The following ERI1 variants were observed in gnomAD, a reference collection of about 807,000 sequenced individuals.
The protein encoded by ERI1 is exoribonuclease 1.
ERI1 carries 39 observed loss-of-function variants against 39.7 expected under a neutral mutation model. The ratio of observed to expected loss-of-function variants is 0.98; its 90% confidence interval spans 0.76 to 1.28. The LOEUF (loss-of-function observed/expected upper bound fraction) is 1.28. Ranked by LOEUF, ERI1 falls within the 50% of genes most tolerant of loss-of-function variation. ERI1 has a pLI of 0.00. For synonymous variants in ERI1, 204 were observed against 149.6 expected (o/e 1.36, Z -2.65); for missense variants, 581 against 416.9 (o/e 1.39, Z -3.43).
chr8:9,071,127 C>T (rs1285772891), intron 3 of ERI1, among the ~76,000 whole-genome samples: 11 of 152,170 alleles, frequency 7.2e-5, no homozygotes, highest in Non-Finnish European at 1.3e-4. Flanking sequence ...ATTGAACTCG[C>T]AAGGGAAAGT....
chr8:9,003,234 C>A, intron 1 of ERI1, 63 bp downstream of exon 1: 1 of 1,028,104 alleles, frequency 9.7e-7, no homozygotes. Flanking sequence ...GCGCCCTCGG[C>A]ACCCCTTTCT....
chr8:9,040,345 G>A (rs1039012915), intron 3 of ERI1, among the ~76,000 whole-genome samples: 1 of 152,154 alleles, frequency 6.6e-6, no homozygotes, highest in African/African-American at 2.4e-5. Context: ...AAGTCACAAA[G>A]CCCTAAGGCC....
intron 2 of ERI1, chr8:9,009,185 C>A: frequency 2.4e-6 from 1 of 410,446 alleles, no homozygotes. Flanking sequence ...ATTCTAAGTA[C>A]TGCACTAGGC....
intron 3 of ERI1, among the ~76,000 whole-genome samples, chr8:9,059,232 T>A (rs552904834): frequency 3.3e-5 from 5 of 152,260 alleles, no homozygotes; most frequent in African/African-American, 1.2e-4. Context: ...TGTCATCAGT[T>A]AAGGCAGGAA....
At chr8:9,017,127 C>T (rs1038727685) in intron 4 of ERI1, among the ~76,000 whole-genome samples, 1 of 152,122 alleles carries the variant, frequency 6.6e-6, no homozygotes, top group Non-Finnish European at 1.5e-5. Flanking sequence ...GCAACCTCTG[C>T]CTCCCAGGTT....
At chr8:9,029,403 G>A (rs185802241) in intron 6 of ERI1, among the ~76,000 whole-genome samples, 116 of 152,098 alleles carry the variant, frequency 7.6e-4, no homozygotes, top group African/African-American at 2.6e-3. Context: ...ATCTCAGCTC[G>A]CTGCAGCCTC....
At chr8:9,016,716 C>T (rs1027557160) in intron 4 of ERI1, among the ~76,000 whole-genome samples, 3 of 152,322 alleles carry the variant, frequency 2.0e-5, no homozygotes, top group Admixed American at 2.0e-4. Flanking sequence ...GAGACAGTCT[C>T]ACTCTGTCAC....
intron 5 of ERI1, among the ~76,000 whole-genome samples, chr8:9,019,234 A>C (rs1225384997): frequency 6.6e-6 from 1 of 152,218 alleles, no homozygotes; most frequent in Non-Finnish European, 1.5e-5. Context: ...ATTAAGGTTG[A>C]AAAGAACGTC....
chr8:9,061,687 A>C (rs533243467), intron 3 of ERI1, among the ~76,000 whole-genome samples: 2 of 152,292 alleles, frequency 1.3e-5, no homozygotes, highest in East Asian at 3.9e-4. Flanking sequence ...GGTTTGGGAG[A>C]TTAGCCAGAC....
intron 2 of ERI1, chr8:9,009,150 CG>C (rs1741991810): frequency 2.2e-6 from 1 of 451,320 alleles, no homozygotes; most frequent in Non-Finnish European, 4.4e-6. Flanking sequence ...TATGTTTATA[CG>C]TTTATTCAAC....
chr8:9,085,473 G>A (rs1407509853), intron 3 of ERI1, among the ~76,000 whole-genome samples: 1 of 152,026 alleles, frequency 6.6e-6, no homozygotes, highest in Non-Finnish European at 1.5e-5. Flanking sequence ...CTCCCAAAGT[G>A]CTGGGATTAC....
chr8:9,043,502 G>A (rs774066433), intron 3 of ERI1, among the ~76,000 whole-genome samples: 3 of 152,222 alleles, frequency 2.0e-5, no homozygotes, highest in African/African-American at 4.8e-5. Context: ...TATGGAAGAT[G>A]GAGACAATTG....
chr8:9,057,435 C>G (rs1798544964), intron 3 of ERI1, among the ~76,000 whole-genome samples: 6 of 152,218 alleles, frequency 3.9e-5, no homozygotes. Flanking sequence ...CAATCGCCAC[C>G]TAGATGACCC....
intron 3 of ERI1, among the ~76,000 whole-genome samples, chr8:9,083,054 G>C (rs1799417524): frequency 6.6e-6 from 1 of 152,108 alleles, no homozygotes; most frequent in African/African-American, 2.4e-5. Flanking sequence ...AAATGTATTT[G>C]CTATTTATCT....
At chr8:9,082,604 A>G (rs1041542334) in intron 3 of ERI1, among the ~76,000 whole-genome samples, 6 of 152,268 alleles carry the variant, frequency 3.9e-5, no homozygotes, top group African/African-American at 1.4e-4. Context: ...TTGAAAGGAT[A>G]TTGAAAGAAA....
chr8:9,018,089 G>A (rs1051996764), intron 4 of ERI1, among the ~76,000 whole-genome samples: 1 of 152,206 alleles, frequency 6.6e-6, no homozygotes, highest in Non-Finnish European at 1.5e-5. Context: ...ATACTTTTCA[G>A]TTGAAAGTAG....
At chr8:9,007,858 T>G (rs1444417760) in intron 1 of ERI1, 112 bp from the exon 2 acceptor site, 1 of 1,432,010 alleles carries the variant, frequency 7.0e-7, no homozygotes, top group Non-Finnish European at 9.2e-7. Context: ...ATTGAACATG[T>G]AGCATGAAGA....
chr8:9,043,009 A>G (rs137862172), intron 3 of ERI1, among the ~76,000 whole-genome samples: 102 of 152,334 alleles, frequency 6.7e-4, no homozygotes, highest in African/African-American at 2.3e-3. Flanking sequence ...ACTTCCTGGC[A>G]GTAGACACTT....
intron 3 of ERI1, among the ~76,000 whole-genome samples, chr8:9,058,537 T>C (rs1201685054): frequency 6.6e-6 from 1 of 152,218 alleles, no homozygotes; most frequent in East Asian, 1.9e-4. Context: ...TTTGATGATC[T>C]TCATGTATTC....
Sources: gnomAD v4.1 joint callset for allele counts (sites outside exome capture counted in the v4.1 genomes callset) on GRCh38, gnomAD v4.1.1 for gene constraint, MANE v1.5 for transcripts, NCBI Gene and HGNC (gene_info 2026-07-23, HGNC 2026-07-21) for gene names.